The following PARD3B variants were observed in gnomAD, a reference collection of about 807,000 sequenced individuals.
PARD3B encodes partitioning defective 3 homolog B.
Under a neutral mutation model 130.2 loss-of-function variants are expected in PARD3B, and 103 were observed. That is an observed-to-expected ratio of 0.79 (90% CI 0.67 to 0.93). The LOEUF (loss-of-function observed/expected upper bound fraction) is 0.93, where lower values mean the gene tolerates loss of function less well. PARD3B is among the 40% of genes least tolerant of loss of function. PARD3B has a pLI of 0.00. For synonymous variants in PARD3B, 583 were observed against 553.2 expected, an observed-to-expected ratio of 1.05 and a Z score of -0.76; for missense variants, 1,609 against 1,499.2, an observed-to-expected ratio of 1.07 and a Z score of -1.21.
Position 205,046,929 on chromosome 2 carries a change from A to C in PARD3B, c.395-652A>C, listed in dbSNP as rs1698827538. Among the ~76,000 whole-genome samples, 3 of 152,184 alleles carry C rather than the reference A, an allele frequency of 2.0e-5. No individual in the cohort carries two copies. The South Asian group carries it at 6.2e-4, about 31-fold the overall frequency. On this transcript the variant is annotated intron_variant, in intron 3 of 22. Coordinates refer to ENST00000406610, the MANE Select transcript of PARD3B (RefSeq NM_001302769.2). ...TCTAATAGTATGATCTTTTTTCAGA[A>C]TTTAATAACTGACTCAAATATTTAA... is the stretch of plus-strand genomic sequence containing the variant.
At chr2:204,784,915 C>T (rs923724159) in intron 2 of PARD3B, among the ~76,000 whole-genome samples, 1 of 152,068 alleles carries the variant, frequency 6.6e-6, no homozygotes, top group Non-Finnish European at 1.5e-5. Flanking sequence ...TGACAAAAGC[C>T]GTGTATTTTT....
intron 15 of PARD3B, among the ~76,000 whole-genome samples, chr2:205,238,849 A>AAAAAAATAT (rs1273582854): frequency 3.9e-5 from 3 of 76,914 alleles, no homozygotes; most frequent in Non-Finnish European, 6.9e-5. Flanking sequence ...AAAAAAAAAA[A>AAAAAAATAT]ATATATATAT....
At chr2:204,563,991 G>C (rs2031514191) in intron 1 of PARD3B, among the ~76,000 whole-genome samples, 1 of 152,104 alleles carries the variant, frequency 6.6e-6, no homozygotes, top group South Asian at 2.1e-4. Flanking sequence ...AGCCAGGATG[G>C]TCTCGATCTC....
At chr2:205,527,133 A>ATTCAT (rs1234885530) in intron 21 of PARD3B, among the ~76,000 whole-genome samples, 2 of 152,220 alleles carry the variant, frequency 1.3e-5, no homozygotes, top group African/African-American at 2.4e-5. Context: ...CCAGGATAGC[A>ATTCAT]TTCATTTCTT....
In PARD3B at chr2:205,392,020, A is replaced by T. The variant is rs551631133; in HGVS notation, c.2631-8993A>T. ...GCTCTCTCTTTTGTTTGTTTGGTTT[A>T]AAAAATATTAGTTATTGGTGATCTG... On this transcript the variant is annotated intron_variant, in intron 18 of 22. Transcript: ENST00000406610. 3.3e-5 allele frequency among the ~76,000 whole-genome samples: 5 copies of T among 152,268 alleles called. No homozygotes were observed. The South Asian group carries it at 1.0e-3, about 32-fold the overall frequency.
At chr2:204,585,444 C>A (rs1012835051) in intron 1 of PARD3B, among the ~76,000 whole-genome samples, 2 of 152,042 alleles carry the variant, frequency 1.3e-5, no homozygotes, top group African/African-American at 4.8e-5. Flanking sequence ...AGTGATCTTC[C>A]CATCTCAGCC....
chr2:205,220,292 G>A (rs112386559), intron 15 of PARD3B, among the ~76,000 whole-genome samples: 11 of 152,008 alleles, frequency 7.2e-5, no homozygotes, highest in East Asian at 1.9e-4. Flanking sequence ...TTTCTCTTCC[G>A]CCTGTTCTCT....
At chr2:205,013,502 G>A (rs1695888077) in intron 3 of PARD3B, among the ~76,000 whole-genome samples, 1 of 152,114 alleles carries the variant, frequency 6.6e-6, no homozygotes, top group Admixed American at 6.6e-5. Context: ...CACTATTGAT[G>A]CTTTAGGCTG....
chr2:204,837,056 C>T (rs2044062886), intron 2 of PARD3B, among the ~76,000 whole-genome samples: 1 of 152,136 alleles, frequency 6.6e-6, no homozygotes, highest in Admixed American at 6.5e-5. Flanking sequence ...AGATAGTTCA[C>T]CTTCGGTAAC....
intron 2 of PARD3B, among the ~76,000 whole-genome samples, chr2:204,837,258 A>C (rs1439512994): frequency 1.3e-5 from 2 of 152,102 alleles, no homozygotes; most frequent in Non-Finnish European, 1.5e-5. Flanking sequence ...ACGTAGTTCA[A>C]AGTATACTTT....
chr2:205,388,547 G>C (rs1254868547), intron 18 of PARD3B, among the ~76,000 whole-genome samples: 1 of 152,122 alleles, frequency 6.6e-6, no homozygotes, highest in Non-Finnish European at 1.5e-5. Context: ...GTTTGTAATA[G>C]CTCTTTCTGA....
intron 1 of PARD3B, among the ~76,000 whole-genome samples, chr2:204,580,307 T>A (rs2032484643): frequency 6.6e-6 from 1 of 152,154 alleles, no homozygotes; most frequent in Non-Finnish European, 1.5e-5. Flanking sequence ...TTTGCATCCA[T>A]GTTTTTTTTC....
At chr2:204,575,196 A>G (rs73057273) in intron 1 of PARD3B, among the ~76,000 whole-genome samples, 3,547 of 152,302 alleles carry the variant, frequency 0.023, 141 homozygotes, top group African/African-American at 0.08. Context: ...TTAAACATGC[A>G]TAATTTCTAA....
intron 3 of PARD3B, among the ~76,000 whole-genome samples, chr2:205,000,015 C>T (rs900821421): frequency 3.3e-5 from 5 of 151,050 alleles, no homozygotes; most frequent in Non-Finnish European, 5.9e-5. Context: ...GTTCAAGTCA[C>T]AGGGTTTTTT....
At chr2:205,153,227 T>TG (rs747439116) in intron 10 of PARD3B, among the ~76,000 whole-genome samples, 1 of 152,266 alleles carries the variant, frequency 6.6e-6, no homozygotes. Context: ...TTAGGCTACT[T>TG]GGGGGTCAGG....
rs1249943036 is a variant in PARD3B at position 205,525,263 on chromosome 2, T to TA, written c.3180+25232_3180+25233insA. The stretch of plus-strand genomic sequence containing the variant: ...GGTATGTAAAACTTCCAAATTGGTT[T>TA]CCTTACCACTCCAAGAGTGGGGTCT... On this transcript the variant is annotated intron_variant, in intron 21 of 22. Transcript: ENST00000406610. This position sits in a 1 kb window ranked among gnomAD's most constrained non-coding sequence, Gnocchi z 4.2. Among the ~76,000 whole-genome samples, 1 of 152,158 alleles carries TA rather than the reference T, an allele frequency of 6.6e-6. No homozygotes were observed. The highest frequency in any genetic ancestry group is 1.5e-5 in the Non-Finnish European group (1 of 68,032).
At chr2:205,080,957 T>A (rs1372956647) in intron 4 of PARD3B, among the ~76,000 whole-genome samples, 2 of 152,086 alleles carry the variant, frequency 1.3e-5, no homozygotes, top group East Asian at 3.8e-4. Flanking sequence ...TGCCCATAAT[T>A]GTATTGGATT....
intron 16 of PARD3B, among the ~76,000 whole-genome samples, chr2:205,252,853 C>CAAAAA (rs770957813): frequency 1.2e-5 from 1 of 80,456 alleles, no homozygotes; most frequent in Non-Finnish European, 2.4e-5. Context: ...CCCCCCCCAC[C>CAAAAA]AAAAAAAAAA....
intron 18 of PARD3B, among the ~76,000 whole-genome samples, chr2:205,368,275 G>C (rs559060832): frequency 3.3e-5 from 5 of 152,276 alleles, no homozygotes; most frequent in Middle Eastern, 3.4e-3. Context: ...ATTTCCACTT[G>C]AAACTTTTTT....
Sources: allele counts gnomAD v4.1 joint callset (sites outside exome capture counted in the v4.1 genomes callset), GRCh38; gene constraint gnomAD v4.1.1; non-coding constraint Gnocchi (gnomAD v3.1); transcripts MANE v1.5; gene names NCBI Gene and HGNC (gene_info 2026-07-23, HGNC 2026-07-21).